ERCC4: variants seen among roughly 807,000 people sequenced by gnomAD.
The protein encoded by ERCC4 is DNA repair endonuclease XPF.
ERCC4 carries 65 observed loss-of-function variants against 76.9 expected under a neutral mutation model. The ratio of observed to expected loss-of-function variants is 0.84; its 90% confidence interval spans 0.69 to 1.04. The LOEUF (loss-of-function observed/expected upper bound fraction) is 1.04, where lower values mean the gene tolerates loss of function less well. Ranked by LOEUF, ERCC4 falls within the 50% of genes least tolerant of loss-of-function variation. The probability of loss-of-function intolerance (pLI) is 0.00; values close to 1 mark genes in which losing one functional copy is unlikely to be tolerated. For synonymous variants in ERCC4, 463 were observed against 410.1 expected (o/e 1.13, Z -1.56); for missense variants, 1,214 against 1,128.2 (o/e 1.08, Z -1.09).
At position 13,947,659 on chromosome 16, in the gene ERCC4, T is replaced by G. The variant is rs2032540050; in HGVS notation, c.2063T>G (p.Met688Arg). 1.2e-6 allele frequency: 2 copies of G among 1,614,238 alleles called. No individual in the cohort carries two copies. Among genetic ancestry groups the G allele is most frequent in the Non-Finnish European group, 1.7e-6 (2 of 1,180,044 alleles). The change falls in exon 11 of 11, where the codon ATG becomes AGG. Residue 688 changes from methionine (M) to arginine (R), a missense_variant. Physicochemically the swap from Met to Arg is moderately conservative, Grantham distance 91. Transcript: ENST00000311895. Reference sequence around the variant, plus strand: ...ACACAGCAAAGCATAGTTGTGGATATGCGTGAATTTCGAAGTGAGCTTCCA... The same window carrying G: ...ACACAGCAAAGCATAGTTGTGGATAGGCGTGAATTTCGAAGTGAGCTTCCA... ...NGTQQSIVVD[M>R]REFRSELPSL...
In ERCC4 at chr16:13,940,619, A is replaced by G. The variant is rs149079957; in HGVS notation, c.1904+2761A>G. Among the ~76,000 whole-genome samples, 693 of 152,300 alleles carry G rather than the reference A, an allele frequency of 4.6e-3. 4 individuals are homozygous for G. The highest frequency in any genetic ancestry group is 0.016 in the African/African-American group (652 of 41,572). ...TTACTGAGCTGAGTCACATAGACAC[A>G]GAGTACCTCCATGGCTGGCTACAGC... On this transcript the variant is annotated intron_variant, in intron 9 of 10. Coordinates refer to ENST00000311895, the MANE Select transcript of ERCC4 (RefSeq NM_005236.3).
chr16:13,931,702 A>G (rs2032175058), intron 5 of ERCC4: 1 of 155,622 alleles, frequency 6.4e-6, no homozygotes, highest in Non-Finnish European at 1.3e-5. Flanking sequence ...CAAAAGTCAG[A>G]GTGATGCTTA....
rs2032244318 is a variant in ERCC4, at chr16:13,934,509, T to G, written c.1213+207T>G. On this transcript the variant is annotated intron_variant, in intron 7 of 10. Coordinates refer to ENST00000311895, the MANE Select transcript of ERCC4 (RefSeq NM_005236.3). ...GATCCTAGTGGCAACCTCATTTCTG[T>G]TCGTTTGATGTTGTTTTCTCCAGGT... The G allele has an allele frequency of 1.3e-5, 7 of 537,602 alleles. No homozygotes were observed. In the South Asian group the frequency reaches 1.5e-4, roughly 11 times the overall value. The allele number at this position is 537,602 out of a possible 1,614,324, so 33.3% of individuals were successfully genotyped here.
At chr16:13,945,457 A>G (rs111441359) in intron 10 of ERCC4, among the ~76,000 whole-genome samples, 1 of 152,212 alleles carries the variant, frequency 6.6e-6, no homozygotes, top group Non-Finnish European at 1.5e-5. Context: ...CTATTTTCCT[A>G]TGCCAGCAGC....
At position 13,948,073 on chromosome 16, in the gene ERCC4, C is replaced by T. The variant is rs141790888; in HGVS notation, c.2477C>T (p.Ala826Val). 5.4e-5 allele frequency: 87 copies of T among 1,614,020 alleles called. No homozygotes were observed. In the Middle Eastern group the frequency reaches 6.6e-4, roughly 12 times the overall value. Residue 826 changes from alanine (A) to valine (V), a missense_variant, in exon 11 of 11, where the codon GCG (alanine) becomes GTG (valine). Transcript: ENST00000311895. ...LKQSKPQPDA[A>V]TALAITADSE... ...CAAAGCAAGCCACAGCCTGATGCGG[C>T]GACAGCACTGGCCATTACAGCAGAT...
intron 8 of ERCC4, 86 bp from the exon 9 acceptor site, chr16:13,937,680 G>A (rs2032327881): frequency 8.5e-6 from 7 of 821,342 alleles, no homozygotes; most frequent in African/African-American, 1.7e-5. Flanking sequence ...GAGCGCTCTA[G>A]GTTGCTGATT....
At position 13,947,537 on chromosome 16, in the gene ERCC4, A is replaced by G. The variant is rs2032537467; in HGVS notation, c.2018-77A>G. 10 of 1,420,612 alleles carry G rather than the reference A, an allele frequency of 7.0e-6. No individual in the cohort carries two copies. The South Asian group carries it at 1.0e-4, about 15-fold the overall frequency. The allele number at this position is 1,420,612 out of a possible 1,614,324, so 88.0% of individuals were successfully genotyped here. On this transcript the variant is annotated intron_variant, in intron 10 of 10. Transcript: ENST00000311895. ...CCATCCATCAGAGTTAACAACAGAA[A>G]CATCGATTTTTAGATTTTGTTATAT... is the stretch of plus-strand genomic sequence containing the variant.
intron 9 of ERCC4, among the ~76,000 whole-genome samples, chr16:13,940,455 A>G (rs1421596131): frequency 6.6e-6 from 1 of 152,132 alleles, no homozygotes; most frequent in Admixed American, 6.5e-5. Context: ...AGTCCAGGTA[A>G]AACCAGGCCT....
intron 9 of ERCC4, among the ~76,000 whole-genome samples, chr16:13,938,289 A>G (rs1361964334): frequency 1.3e-5 from 2 of 152,224 alleles, no homozygotes; most frequent in Non-Finnish European, 2.9e-5. Flanking sequence ...CAACACAGCC[A>G]ATTATGATCA....
intron 1 of ERCC4, 82 bp downstream of exon 1, chr16:13,920,454 A>T: frequency 8.0e-7 from 1 of 1,244,594 alleles, no homozygotes; most frequent in Non-Finnish European, 1.1e-6. Flanking sequence ...TCTGACAGGG[A>T]TGGAGGGGCT....
rs760787953 is a variant in ERCC4 at position 13,934,220 on chromosome 16, C to T, written c.1131C>T (p.Ser377=). The change falls in exon 7 of 11, where the codon AGC becomes AGT. Residue 377 remains serine, a synonymous_variant. Coordinates refer to ENST00000311895, the MANE Select transcript of ERCC4 (RefSeq NM_005236.3). ...CAAAAAAGGAACTGGTCCTAGAAAG[C>T]AACCCAAAGTGGGAGGCACTGACTG... ...EETKKELVLE[S]NPKWEALTEV... 2.5e-6 allele frequency: 4 copies of T among 1,612,414 alleles called. No homozygotes were observed. Among genetic ancestry groups the T allele is most frequent in the African/African-American group, 2.7e-5 (2 of 74,722 alleles).
rs1192422649 is a variant in ERCC4, at chr16:13,951,247, A to C, written c.*2900A>C. The C allele has an allele frequency of 2.1e-5, 4 of 186,920 alleles. No individual in the cohort carries two copies. Among genetic ancestry groups the C allele is most frequent in the African/African-American group, 9.4e-5 (4 of 42,768 alleles). The allele number at this position is 186,920 out of a possible 1,614,324, so 11.6% of individuals were successfully genotyped here. ...ATTAATGTATTTATTTTCCAGCATA[A>C]TTTTATTAACTTCACTTTTTTTCTC... On this transcript the variant is annotated 3_prime_UTR_variant, in exon 11 of 11. Transcript: ENST00000311895.
chr16:13,943,774 A>C (rs1158667391), intron 9 of ERCC4, among the ~76,000 whole-genome samples: 1 of 145,144 alleles, frequency 6.9e-6, no homozygotes, highest in Non-Finnish European at 1.5e-5. Flanking sequence ...CCTCGACATC[A>C]GTTGTGAACC....
Position 13,948,189 on chromosome 16 carries a change from T to A in ERCC4, c.2593T>A (p.Ser865Thr). ...MPGVNAKNCR[S>T]LMHHVKNIAE... is the part of the protein sequence containing the mutation. ...AGGGGTGAATGCCAAAAACTGCCGCTCCTTGATGCACCACGTTAAGAACAT... is the reference window on the plus strand; with the variant it reads ...AGGGGTGAATGCCAAAAACTGCCGCACCTTGATGCACCACGTTAAGAACAT... The change falls in exon 11 of 11, where the codon TCC becomes ACC. Residue 865 changes from serine to threonine, a missense_variant. Coordinates refer to ENST00000311895, the MANE Select transcript of ERCC4 (RefSeq NM_005236.3). The A allele has an allele frequency of 6.2e-7, 1 of 1,614,138 alleles. No homozygotes were observed. The highest frequency in any genetic ancestry group is 8.5e-7 in the Non-Finnish European group (1 of 1,180,026).
In ERCC4 at chr16:13,944,495, A is replaced by T. The variant is rs572889208; in HGVS notation, c.1905-228A>T. On this transcript the variant is annotated intron_variant, in intron 9 of 10. Coordinates refer to ENST00000311895, the MANE Select transcript of ERCC4 (RefSeq NM_005236.3). ...AAACAACTGCTTTTTTTACTCTGGA[A>T]AATCAAGAAGTAGTATCCGACCAAG... Among the ~76,000 whole-genome samples, 3 of 150,164 alleles carry T rather than the reference A, an allele frequency of 2.0e-5. No homozygotes were observed. The South Asian group carries it at 6.2e-4, about 31-fold the overall frequency.
intron 1 of ERCC4, 37 bp from the exon 2 acceptor site, chr16:13,921,994 A>G (rs1156320323): frequency 6.7e-7 from 1 of 1,487,576 alleles, no homozygotes; most frequent in South Asian, 1.1e-5. Context: ...ACTGCCCTGT[A>G]TTAAATAGCC....
intron 2 of ERCC4, among the ~76,000 whole-genome samples, chr16:13,924,026 C>T (rs1407128586): frequency 4.6e-5 from 7 of 152,208 alleles, no homozygotes; most frequent in Non-Finnish European, 1.0e-4. Context: ...ATTCCCTCCT[C>T]CTTTCTGATC....
intron 9 of ERCC4, among the ~76,000 whole-genome samples, chr16:13,938,425 C>T (rs1053503380): frequency 6.6e-6 from 1 of 152,176 alleles, no homozygotes; most frequent in African/African-American, 2.4e-5. Context: ...AATGCCCTTC[C>T]ATTTTACGAA....
intron 9 of ERCC4, among the ~76,000 whole-genome samples, chr16:13,940,343 G>A (rs912865609): frequency 4.0e-5 from 6 of 151,648 alleles, no homozygotes; most frequent in South Asian, 2.1e-4. Context: ...AGCTTAGATC[G>A]TGCCACTGCA....
Sources: gnomAD v4.1 joint callset for allele counts (sites outside exome capture counted in the v4.1 genomes callset) on GRCh38, gnomAD v4.1.1 for gene constraint, MANE v1.5 for transcripts, NCBI Gene and HGNC (gene_info 2026-07-23, HGNC 2026-07-21) for gene names.